Variants in DNM3 observed in about 807,000 individuals in gnomAD.
DNM3 encodes dynamin-3.
Under a neutral mutation model 101.6 loss-of-function variants are expected in DNM3, and 47 were observed. The ratio of observed to expected loss-of-function variants is 0.46; its 90% confidence interval spans 0.37 to 0.59. The LOEUF (loss-of-function observed/expected upper bound fraction) is 0.59. DNM3 is among the 20% of genes least tolerant of loss of function. The pLI is 0.00. For synonymous variants in DNM3, 385 were observed against 387.9 expected (o/e 0.99, Z 0.09); for missense variants, 849 against 1,085.7 (o/e 0.78, Z 3.06).
At chr1:171,894,566 G>A (rs1046705268) in intron 1 of DNM3, among the ~76,000 whole-genome samples, 4 of 151,878 alleles carry the variant, frequency 2.6e-5, no homozygotes, top group Admixed American at 2.0e-4. Context: ...CACCATGCCT[G>A]GCTAATTTGT....
chr1:172,261,054 C>T (rs531414455), intron 15 of DNM3, among the ~76,000 whole-genome samples: 97 of 152,194 alleles, frequency 6.4e-4, no homozygotes, highest in African/African-American at 2.1e-3. Context: ...TTAAGTGATT[C>T]TCCCAACTCA....
rs1573792452 is a variant in DNM3 at position 172,410,773 on chromosome 1, G to A, written c.*2932G>A. 2.0e-6 allele frequency: 2 copies of A among 985,238 alleles called. No homozygotes were observed. The highest frequency in any genetic ancestry group is 4.7e-5 in the South Asian group (1 of 21,278). 61.0% of individuals were successfully genotyped at this position (985,238 alleles called of 1,614,324 possible). A position where few individuals can be genotyped will look rare whatever the true frequency, so the allele number is the denominator to read the frequency against. On this transcript the variant is annotated 3_prime_UTR_variant, in exon 21 of 21. Transcript: ENST00000627582. ...GTATATTAATGAAACCAGTTCCTGTGATGTAACTGTAAGCCTTCTCGACTT... is the reference window on the plus strand; with the variant it reads ...GTATATTAATGAAACCAGTTCCTGTAATGTAACTGTAAGCCTTCTCGACTT...
In DNM3 at chr1:171,987,735, A is replaced by G. The variant is rs761593512; in HGVS notation, c.315A>G (p.Thr105=). The part of the protein sequence containing the change: ...DEVRLEIEAE[T]DRVTGMNKGI... ...TTCGCCTTGAGATTGAAGCAGAAACAGATCGCGTGACTGGAATGAATAAAG... is the reference window on the plus strand; with the variant it reads ...TTCGCCTTGAGATTGAAGCAGAAACGGATCGCGTGACTGGAATGAATAAAG... The change falls in exon 3 of 21, where the codon ACA becomes ACG. Residue 105 remains threonine (T), a synonymous_variant. Coordinates refer to ENST00000627582, the MANE Select transcript of DNM3 (RefSeq NM_015569.5). 1 of 1,604,426 alleles carries G rather than the reference A, an allele frequency of 6.2e-7. No homozygotes were observed. The highest frequency in any genetic ancestry group is 8.5e-7 in the Non-Finnish European group (1 of 1,176,288).
At chr1:172,011,577 A>G (rs1430441175) in intron 4 of DNM3, among the ~76,000 whole-genome samples, 3 of 152,016 alleles carry the variant, frequency 2.0e-5, no homozygotes, top group Admixed American at 1.3e-4. Context: ...ACTGTTTTAT[A>G]TATTGTATCC....
At chr1:171,957,046 T>G (rs2042906491) in intron 2 of DNM3, among the ~76,000 whole-genome samples, 1 of 152,106 alleles carries the variant, frequency 6.6e-6, no homozygotes, top group Non-Finnish European at 1.5e-5. Context: ...TGATGGGGGT[T>G]GGGGGGCTGC....
chr1:172,303,490 C>A (rs940074965), intron 15 of DNM3, among the ~76,000 whole-genome samples: 1 of 152,094 alleles, frequency 6.6e-6, no homozygotes, highest in South Asian at 2.1e-4. Flanking sequence ...TCCAACCTAG[C>A]AAGGGAGGCC....
intron 10 of DNM3, among the ~76,000 whole-genome samples, chr1:172,059,010 G>A (rs2050906701): frequency 6.6e-6 from 1 of 152,208 alleles, no homozygotes; most frequent in African/African-American, 2.4e-5. Context: ...TGATAAAGGG[G>A]ATATCACCAC....
At chr1:172,063,100 T>A (rs2051372510) in intron 10 of DNM3, among the ~76,000 whole-genome samples, 1 of 152,230 alleles carries the variant, frequency 6.6e-6, no homozygotes, top group South Asian at 2.1e-4. Flanking sequence ...AAAGCCCTTA[T>A]CTTTAGGTCA....
intron 1 of DNM3, among the ~76,000 whole-genome samples, chr1:171,858,044 C>T (rs1378074865): frequency 6.6e-6 from 1 of 152,156 alleles, no homozygotes; most frequent in Non-Finnish European, 1.5e-5. Context: ...GGGCTTCTAG[C>T]TTCCAGAACT....
At chr1:172,128,359 T>C (rs915807500) in intron 13 of DNM3, among the ~76,000 whole-genome samples, 7 of 152,190 alleles carry the variant, frequency 4.6e-5, no homozygotes, top group African/African-American at 1.7e-4. Flanking sequence ...CCAAACTGGG[T>C]CTTTTTCCTC....
intron 14 of DNM3, among the ~76,000 whole-genome samples, chr1:172,142,731 T>C (rs1572698216): frequency 6.8e-6 from 1 of 146,342 alleles, no homozygotes; most frequent in Non-Finnish European, 1.5e-5. Flanking sequence ...TAATCATTTC[T>C]AGAGTAAAAA....
chr1:172,126,945 C>G (rs924565121), intron 13 of DNM3, among the ~76,000 whole-genome samples: 3 of 152,124 alleles, frequency 2.0e-5, no homozygotes, highest in Non-Finnish European at 2.9e-5. Flanking sequence ...ATCTTATTTT[C>G]TACATCACGT....
intron 14 of DNM3, among the ~76,000 whole-genome samples, chr1:172,143,604 C>T (rs1356943045): frequency 6.6e-6 from 1 of 151,842 alleles, no homozygotes; most frequent in Non-Finnish European, 1.5e-5. Context: ...CCTTTTTTAT[C>T]AGTGGGTTTC....
At chr1:171,928,011 G>A (rs1365835959) in intron 2 of DNM3, among the ~76,000 whole-genome samples, 1 of 151,968 alleles carries the variant, frequency 6.6e-6, no homozygotes, top group East Asian at 1.9e-4. Flanking sequence ...ACAGTTGATA[G>A]ACTTCTTTTC....
At chr1:171,973,370 A>G (rs116191284) in intron 2 of DNM3, among the ~76,000 whole-genome samples, 2,773 of 152,234 alleles carry the variant, frequency 0.018, 75 homozygotes, top group African/African-American at 0.064. Flanking sequence ...GGCTTTTGCT[A>G]TTTAGATTAA....
chr1:172,367,909 C>T lies in DNM3; in HGVS notation c.1894-11109C>T, dbSNP rs1317132126. On this transcript the variant is annotated intron_variant, in intron 17 of 20. Transcript: ENST00000627582. The stretch of plus-strand genomic sequence containing the variant: ...ATTGAATCATGGGGGTGGTTTCCCC[C>T]ATGCTATTCTCATGAGAATGAGTAA... Among the ~76,000 whole-genome samples the T allele has an allele frequency of 6.6e-5, 10 of 151,910 alleles. No homozygotes were observed. In the East Asian group the frequency reaches 2.0e-3, roughly 30 times the overall value.
intron 4 of DNM3, among the ~76,000 whole-genome samples, chr1:172,014,012 C>A (rs909950994): frequency 6.6e-6 from 1 of 152,106 alleles, no homozygotes; most frequent in Non-Finnish European, 1.5e-5. Context: ...GCAACCTCCC[C>A]TACTATCAGC....
intron 1 of DNM3, among the ~76,000 whole-genome samples, chr1:171,883,548 T>C (rs1264477344): frequency 1.3e-5 from 2 of 152,000 alleles, no homozygotes; most frequent in Non-Finnish European, 2.9e-5. Flanking sequence ...CTCGGCTCAC[T>C]GCAACTTCCG....
chr1:171,993,042 A>G (rs1488830897), intron 4 of DNM3, among the ~76,000 whole-genome samples: 2 of 151,828 alleles, frequency 1.3e-5, no homozygotes, highest in African/African-American at 4.8e-5. Flanking sequence ...ACAAATCACA[A>G]CTTTTACATT....
Sources: allele counts gnomAD v4.1 joint callset (sites outside exome capture counted in the v4.1 genomes callset), GRCh38; gene constraint gnomAD v4.1.1; transcripts MANE v1.5; gene names NCBI Gene and HGNC (gene_info 2026-07-23, HGNC 2026-07-21).